MYH8: variants seen among roughly 807,000 people sequenced by gnomAD.
The protein encoded by MYH8 is myosin heavy chain 8, also known as myosin-8.
MYH8 carries 168 observed loss-of-function variants against 233.2 expected under a neutral mutation model. That is an observed-to-expected ratio of 0.72 (90% CI 0.64 to 0.82). The LOEUF is 0.82. Ranked by LOEUF, MYH8 falls within the 40% of genes least tolerant of loss-of-function variation. The pLI is 0.00. For missense variants in MYH8, 1,995 were observed against 2,327.8 expected (o/e 0.86, Z 2.94); for synonymous variants, 785 against 850.6 (o/e 0.92, Z 1.34).
Position 10,415,594 on chromosome 17 carries a change from A to G in MYH8, c.540-14T>C. 6.2e-7 allele frequency: 1 copy of G among 1,614,126 alleles called. No homozygotes were observed. The highest frequency in any genetic ancestry group is 1.6e-4 in the Middle Eastern group (1 of 6,062). On this transcript the variant is annotated splice_polypyrimidine_tract_variant and intron_variant, in intron 6 of 39. Transcript: ENST00000403437. The surrounding 1 kb of genome is among the most constrained non-coding windows in gnomAD (Gnocchi z 4.1). ...CCAGATTCTCCGCTGTCAAACAGAA[A>G]TCAGAGAAGAGATCAGAGAACTATG...
Position 10,415,344 on chromosome 17 carries a change from A to G in MYH8, c.689T>C (p.Leu230Pro). Reference protein sequence around the residue: ...EDQIISANPLLEAFGNAKTVR... With the variant: ...EDQIISANPLPEAFGNAKTVR... ...AGTTTTGGCATTGCCAAAGGCCTCC[A>G]GTAGGGGATTGGCGCTGATGATTTG... Residue 230 changes from leucine (L) to proline (P), a missense_variant, in exon 8 of 40, where the codon CTG becomes CCG. Physicochemically the swap from Leu to Pro is moderately conservative, Grantham distance 98. Coordinates refer to ENST00000403437, the MANE Select transcript of MYH8 (RefSeq NM_002472.3). This position sits in a 1 kb window ranked among gnomAD's most constrained non-coding sequence, Gnocchi z 4.1. The G allele has an allele frequency of 1.2e-6, 2 of 1,614,212 alleles. No individual in the cohort carries two copies. The highest frequency in any genetic ancestry group is 4.5e-5 in the East Asian group (2 of 44,886).
At position 10,412,503 on chromosome 17, in the gene MYH8, C is replaced by T; in HGVS notation, c.1283G>A (p.Gly428Asp). 6.2e-7 allele frequency: 1 copy of T among 1,614,180 alleles called. No homozygotes were observed. Among genetic ancestry groups the T allele is most frequent in the Non-Finnish European group, 8.5e-7 (1 of 1,180,042 alleles). ...QTVQQVYNAV[G>D]ALAKAVYEKM... ...CTCGTAGACGGCTTTGGCCAGAGCA[C>T]CCACCGCATTGTACACCTTCACAGA... The change falls in exon 14 of 40, where the codon GGT (glycine) becomes GAT (aspartate). Residue 428 changes from glycine (G) to aspartate (D), a missense_variant. By Grantham distance (94) the Gly-to-Asp change is moderately conservative. This residue lies in a region of MYH8 where 479 missense variants were observed against 600.9 expected (regional missense o/e 0.80). Transcript: ENST00000403437.
At chr17:10,392,058 T>A in intron 38 of MYH8, 81 bp from the exon 39 acceptor site, 6 of 1,153,940 alleles carry the variant, frequency 5.2e-6, no homozygotes, top group Non-Finnish European at 7.8e-6. Context: ...TCATTTGGCA[T>A]GATGGCAGGT....
In MYH8 at chr17:10,401,088, T is replaced by C. The variant is rs1201459194; in HGVS notation, c.3212A>G (p.Asp1071Gly). Reference sequence around the variant, plus strand: ...AAGTTGCTGTTTGTCATTTTCCATATCCATTGTGGATTCTTGGGCCAATTT... The same window carrying C: ...AAGTTGCTGTTTGTCATTTTCCATACCCATTGTGGATTCTTGGGCCAATTT... ...DLKLAQESTM[D>G]MENDKQQLDE... is the part of the protein sequence containing the mutation. Residue 1071 changes from aspartate (D) to glycine (G), a missense_variant, in exon 25 of 40, where the codon GAT (aspartate) becomes GGT (glycine). Transcript: ENST00000403437. 6.2e-7 allele frequency: 1 copy of C among 1,614,098 alleles called. No homozygotes were observed. The highest frequency in any genetic ancestry group is 8.5e-7 in the Non-Finnish European group (1 of 1,180,042).
At chr17:10,411,071 T>A in intron 14 of MYH8, 124 bp from the exon 15 acceptor site, 1 of 1,521,400 alleles carries the variant, frequency 6.6e-7, no homozygotes, top group East Asian at 2.4e-5. Context: ...AAAACTAACG[T>A]TGCTCCCTCA....
At chr17:10,406,622 T>C in intron 19 of MYH8, 68 bp downstream of exon 19, 1 of 1,445,102 alleles carries the variant, frequency 6.9e-7, no homozygotes, top group Non-Finnish European at 9.7e-7. Context: ...GACTATATTA[T>C]TCGACTTCTT....
rs756642031 is a variant in MYH8, at chr17:10,415,108, T to C, written c.805+8A>G. On this transcript the variant is annotated splice_region_variant and intron_variant, in intron 9 of 39. Coordinates refer to ENST00000403437, the MANE Select transcript of MYH8 (RefSeq NM_002472.3). The surrounding 1 kb of genome is among the most constrained non-coding windows in gnomAD (Gnocchi z 4.1). ...TCTGTTTTGATTTTCAATGGTCCTGTTACTCACATGTTTCTATATCAGCAG... is the reference window on the plus strand; with the variant it reads ...TCTGTTTTGATTTTCAATGGTCCTGCTACTCACATGTTTCTATATCAGCAG... 10 of 1,610,516 alleles carry C rather than the reference T, an allele frequency of 6.2e-6. No homozygotes were observed. The highest frequency in any genetic ancestry group is 8.5e-6 in the Non-Finnish European group (10 of 1,176,796).
chr17:10,406,527 G>T, intron 19 of MYH8, 130 bp from the exon 20 acceptor site: 2 of 1,427,146 alleles, frequency 1.4e-6, no homozygotes, highest in Non-Finnish European at 2.0e-6. Context: ...GCCGTTTAAG[G>T]ACAGATAGTA....
chr17:10,404,378 C>G lies in MYH8; in HGVS notation c.2640G>C (p.Met880Ile), dbSNP rs774397725. The G allele has an allele frequency of 9.3e-6, 15 of 1,613,610 alleles. No homozygotes were observed. In the Admixed American group the frequency reaches 1.3e-4, roughly 14 times the overall value. ...CATTTTTCTCTTTTAAGAGAGTGAC[C>G]ATTTTTTCCTCTAGCTCCTTCCGTT... Reference protein sequence around the residue: ...EAKRKELEEKMVTLLKEKNDL... With the variant: ...EAKRKELEEKIVTLLKEKNDL... The change falls in exon 22 of 40, where the codon ATG becomes ATC. Residue 880 changes from methionine (M) to isoleucine (I), a missense_variant. Physicochemically the swap from Met to Ile is conservative, Grantham distance 10 (BLOSUM62 1). Around this residue, in one of 3 missense-constraint regions of MYH8, gnomAD observed 1,498 missense variants for 1,680.9 expected, o/e 0.89. Coordinates refer to ENST00000403437, the MANE Select transcript of MYH8 (RefSeq NM_002472.3).
intron 17 of MYH8, among the ~76,000 whole-genome samples, chr17:10,407,576 C>T (rs1029169032): frequency 2.0e-5 from 3 of 152,050 alleles, no homozygotes; most frequent in African/African-American, 7.2e-5. Context: ...CATGGTGGCT[C>T]ACGCCTGTAA....
chr17:10,404,112 G>C (rs2072166028), intron 22 of MYH8, among the ~76,000 whole-genome samples: 1 of 152,076 alleles, frequency 6.6e-6, no homozygotes, highest in Admixed American at 6.6e-5. Context: ...TAAATTTTGT[G>C]ATATTATTTA....
In MYH8 at chr17:10,395,231, C is replaced by T; in HGVS notation, c.4864G>A (p.Glu1622Lys). 1.2e-6 allele frequency: 2 copies of T among 1,614,142 alleles called. No homozygotes were observed. Among genetic ancestry groups the T allele is most frequent in the Non-Finnish European group, 1.7e-6 (2 of 1,180,038 alleles). ...NDALRVKKKM[E>K]GDLNEMEIQL... ...ATTTCCATTTCATTCAGATCTCCTT[C>T]CATTTTCTTCTTGACTCTCAGAGCA... The change falls in exon 34 of 40, where the codon GAA becomes AAA. Residue 1622 changes from glutamate (E) to lysine (K), a missense_variant. Around this residue, in one of 3 missense-constraint regions of MYH8, gnomAD observed 1,498 missense variants for 1,680.9 expected, o/e 0.89. Coordinates refer to ENST00000403437, the MANE Select transcript of MYH8 (RefSeq NM_002472.3).
rs779032196 is a variant in MYH8 at position 10,391,893 on chromosome 17, C to T, written c.5653G>A (p.Ala1885Thr). 1 of 1,613,856 alleles carries T rather than the reference C, an allele frequency of 6.2e-7. No individual in the cohort carries two copies. The highest frequency in any genetic ancestry group is 8.5e-7 in the Non-Finnish European group (1 of 1,179,736). ...TTAAAGATACTTACAGCCTCCTCAG[C>T]TTGTCTCTTGTATGATTTCACCTTC... The part of the protein sequence containing the change: ...QAKVKSYKRQ[A>T]EEAEEQSNAN... The change falls in exon 39 of 40, where the codon GCT becomes ACT. Residue 1885 changes from alanine (A) to threonine (T), a missense_variant. This residue lies in a region of MYH8 where 1,498 missense variants were observed against 1,680.9 expected (regional missense o/e 0.89). Coordinates refer to ENST00000403437, the MANE Select transcript of MYH8 (RefSeq NM_002472.3).
chr17:10,400,871 G>A lies in MYH8; in HGVS notation c.3343C>T (p.Gln1115Ter), dbSNP rs755125452. 1 of 1,613,630 alleles carries A rather than the reference G, an allele frequency of 6.2e-7. No homozygotes were observed. The highest frequency in any genetic ancestry group is 2.2e-5 in the East Asian group (1 of 44,886). Residue 1115 changes from glutamine (Q) to a stop codon, truncating the protein, a stop_gained and splice_region_variant, in exon 26 of 40, where the codon CAG becomes TAG. Transcript: ENST00000403437. LOFTEE classifies it high-confidence loss of function. This position sits in a 1 kb window ranked among gnomAD's most constrained non-coding sequence, Gnocchi z 4.0. ...AAAATAGAGGTGAGATGACTCACCT[G>A]CAACTCTTTGATCTTCTTCTGTAGT... ...IQLQKKIKEL[Q>*]ARIEELGEEI...
In MYH8 at chr17:10,414,010, C is replaced by G. The variant is rs754152900; in HGVS notation, c.1039G>C (p.Glu347Gln). Residue 347 changes from glutamate (E) to glutamine (Q), a missense_variant, in exon 12 of 40, where the codon GAA (glutamate) becomes CAA (glutamine). Glu to Gln is a conservative substitution (Grantham distance 29). Around this residue, in one of 3 missense-constraint regions of MYH8, gnomAD observed 479 missense variants for 600.9 expected, o/e 0.80. Coordinates refer to ENST00000403437, the MANE Select transcript of MYH8 (RefSeq NM_002472.3). ...AGTTTATAGATGGACACTTTCTCTT[C>G]AGGAGTGAAGCCCAGGATGTCAATG... ...SAIDILGFTP[E>Q]EKVSIYKLTG... is the part of the protein sequence containing the mutation. 2 of 1,613,980 alleles carry G rather than the reference C, an allele frequency of 1.2e-6. No homozygotes were observed. The highest frequency in any genetic ancestry group is 2.7e-5 in the African/African-American group (2 of 74,876).
chr17:10,395,319 G>A lies in MYH8; in HGVS notation c.4776C>T (p.Asn1592=). Residue 1592 remains asparagine, a synonymous_variant, in exon 34 of 40, where the codon AAC becomes AAT. Coordinates refer to ENST00000403437, the MANE Select transcript of MYH8 (RefSeq NM_002472.3). Reference sequence around the variant, plus strand: ...GCATTGTCTCCACGACTCTAGTGTGGTTTCTCTTCAGCTGGTCAATTTCCT... The same window carrying A: ...GCATTGTCTCCACGACTCTAGTGTGATTTCTCTTCAGCTGGTCAATTTCCT... The part of the protein sequence containing the change: ...KDEEIDQLKR[N]HTRVVETMQS... 7.4e-6 allele frequency: 12 copies of A among 1,614,150 alleles called. No homozygotes were observed. Among genetic ancestry groups the A allele is most frequent in the Non-Finnish European group, 1.0e-5 (12 of 1,180,032 alleles).
chr17:10,404,709 A>G, intron 21 of MYH8, 124 bp from the exon 22 acceptor site: 1 of 1,182,170 alleles, frequency 8.5e-7, no homozygotes, highest in Admixed American at 2.0e-5. Context: ...CATTCTCTAT[A>G]TATTATATGC....
intron 9 of MYH8, 134 bp from the exon 10 acceptor site, chr17:10,414,618 CAGAT>C (rs2072273595): frequency 7.2e-6 from 5 of 696,646 alleles, no homozygotes; most frequent in Non-Finnish European, 1.0e-5. Flanking sequence ...TGACCAATTG[CAGAT>C]AGACAGTGAT....
chr17:10,413,819 C>T lies in MYH8; in HGVS notation c.1147+83G>A. 6.9e-6 allele frequency: 11 copies of T among 1,605,128 alleles called. No homozygotes were observed. The South Asian group carries it at 1.1e-4, about 16-fold the overall frequency. On this transcript the variant is annotated intron_variant, in intron 12 of 39. Coordinates refer to ENST00000403437, the MANE Select transcript of MYH8 (RefSeq NM_002472.3). The stretch of plus-strand genomic sequence containing the variant: ...GCCCTTCACAAGTCGCAAGTCCAGC[C>T]ACAAAGGAGATGTGAGTGTAAAATA...
Sources: gnomAD v4.1 joint callset for allele counts (sites outside exome capture counted in the v4.1 genomes callset) on GRCh38, gnomAD v4.1.1 for gene constraint, gnomAD v4.1.1 regional missense constraint, Gnocchi (gnomAD v3.1) non-coding constraint, MANE v1.5 for transcripts, NCBI Gene and HGNC (gene_info 2026-07-23, HGNC 2026-07-21) for gene names.